SLIT3: variants seen among roughly 807,000 people sequenced by gnomAD.
SLIT3 encodes slit guidance ligand 3.
In SLIT3, 68 loss-of-function variants were observed where a neutral mutation model predicts 184.0. The ratio of observed to expected loss-of-function variants is 0.37; its 90% CI spans 0.30 to 0.45. SLIT3 has a LOEUF of 0.45. SLIT3 is among the 20% of genes least tolerant of loss of function. The pLI, the probability that SLIT3 is intolerant of heterozygous loss-of-function variation, is 1.00. For missense variants in SLIT3, 1,707 were observed against 2,026.0 expected, an observed-to-expected ratio of 0.84 and a Z score of 3.02; for synonymous variants, 831 against 828.6, an observed-to-expected ratio of 1.00 and a Z score of -0.05.
intron 4 of SLIT3, among the ~76,000 whole-genome samples, chr5:169,034,554 T>C (rs1419376970): frequency 6.6e-6 from 1 of 152,196 alleles, no homozygotes; most frequent in African/African-American, 2.4e-5. Flanking sequence ...GAAAATTAGT[T>C]GACTAGTAAA....
chr5:169,210,027 T>G (rs1423015761), intron 3 of SLIT3, among the ~76,000 whole-genome samples: 1 of 152,172 alleles, frequency 6.6e-6, no homozygotes, highest in Non-Finnish European at 1.5e-5. Flanking sequence ...TAAGACCTCC[T>G]CCTTAAGGAA....
intron 4 of SLIT3, among the ~76,000 whole-genome samples, chr5:168,954,902 G>A (rs1277388516): frequency 6.6e-6 from 1 of 152,240 alleles, no homozygotes; most frequent in Non-Finnish European, 1.5e-5. Context: ...TTTTAATGGT[G>A]AAAACTTTAA....
intron 3 of SLIT3, among the ~76,000 whole-genome samples, chr5:169,239,038 A>G (rs900479047): frequency 6.6e-6 from 1 of 152,118 alleles, no homozygotes; most frequent in African/African-American, 2.4e-5. Flanking sequence ...TCTTGAAACC[A>G]TCTACTGGGG....
chr5:168,885,878 G>A (rs1007608603), intron 4 of SLIT3, among the ~76,000 whole-genome samples: 4 of 152,186 alleles, frequency 2.6e-5, no homozygotes, highest in African/African-American at 4.8e-5. Context: ...CAATACGGTG[G>A]GATGAGGAGA....
chr5:169,025,336 G>T (rs1390700507), intron 4 of SLIT3, among the ~76,000 whole-genome samples: 1 of 152,164 alleles, frequency 6.6e-6, no homozygotes, highest in African/African-American at 2.4e-5. Context: ...GTACCAGAAG[G>T]TACTTACTGA....
At chr5:168,689,116 A>T (rs1330884576) in intron 29 of SLIT3, among the ~76,000 whole-genome samples, 3 of 152,108 alleles carry the variant, frequency 2.0e-5, no homozygotes, top group African/African-American at 7.2e-5. Context: ...ACACCCAGGG[A>T]TCTTGTTAAA....
chr5:169,135,366 C>T (rs1413777942), intron 4 of SLIT3, among the ~76,000 whole-genome samples: 1 of 152,112 alleles, frequency 6.6e-6, no homozygotes, highest in African/African-American at 2.4e-5. Context: ...CCTGCCTCGG[C>T]CTCCCAAAGT....
rs116354291 is a variant in SLIT3, at chr5:168,671,957, G to C, written c.3842-474C>G. Among the ~76,000 whole-genome samples, 315 of 152,342 alleles carry C rather than the reference G, an allele frequency of 2.1e-3. 1 individual carries two copies. The highest frequency in any genetic ancestry group is 7.2e-3 in the African/African-American group (301 of 41,570). ...AAGATAAGGTTTTGGGGAGCTGCTTGATCAACGAAACTTTGGGGTTCAGGG... is the reference window on the plus strand; with the variant it reads ...AAGATAAGGTTTTGGGGAGCTGCTTCATCAACGAAACTTTGGGGTTCAGGG... On this transcript the variant is annotated intron_variant, in intron 33 of 35. Transcript: ENST00000519560.
chr5:168,806,731 G>GTGTCTCCCA, intron 8 of SLIT3, 144 bp from the exon 9 acceptor site: 1 of 887,542 alleles, frequency 1.1e-6, no homozygotes, highest in Non-Finnish European at 1.7e-6. Context: ...CCCTTCACCT[G>GTGTCTCCCA]GGAGACACAG....
intron 4 of SLIT3, among the ~76,000 whole-genome samples, chr5:168,897,144 C>A (rs1581189578): frequency 7.5e-6 from 1 of 133,796 alleles, no homozygotes; most frequent in African/African-American, 2.7e-5. Flanking sequence ...TACTATGTAC[C>A]CAGGGCGTTA....
intron 4 of SLIT3, among the ~76,000 whole-genome samples, chr5:168,893,810 T>C (rs1190615910): frequency 2.0e-5 from 3 of 152,234 alleles, no homozygotes; most frequent in African/African-American, 7.2e-5. Context: ...ATTGCTGACC[T>C]GGGCCCCCTC....
chr5:169,062,686 C>A (rs1758215713), intron 4 of SLIT3, among the ~76,000 whole-genome samples: 1 of 152,318 alleles, frequency 6.6e-6, no homozygotes, highest in East Asian at 1.9e-4. Context: ...TTTGTATGGT[C>A]TCTCTCCTCA....
At chr5:169,090,353 C>T (rs886728053) in intron 4 of SLIT3, among the ~76,000 whole-genome samples, 4 of 152,186 alleles carry the variant, frequency 2.6e-5, no homozygotes, top group Non-Finnish European at 4.4e-5. Flanking sequence ...CTCTCCTTGT[C>T]AGGGCCCAGA....
chr5:168,872,410 T>C lies in SLIT3; in HGVS notation c.485+10855A>G, dbSNP rs184573779. On this transcript the variant is annotated intron_variant, in intron 5 of 35. Transcript: ENST00000519560. Reference sequence around the variant, plus strand: ...GTAAACTAGGGACTTTAGTTAGTAATGTATCAATATTGGCTCAGCAGTGGT... The same window carrying C: ...GTAAACTAGGGACTTTAGTTAGTAACGTATCAATATTGGCTCAGCAGTGGT... Among the ~76,000 whole-genome samples, 51 of 152,218 alleles carry C rather than the reference T, an allele frequency of 3.4e-4. 2 individuals are homozygous for C. Among genetic ancestry groups the C allele is most frequent in the Admixed American group, 1.7e-3 (26 of 15,288 alleles).
At chr5:168,920,107 C>T (rs1030526994) in intron 4 of SLIT3, among the ~76,000 whole-genome samples, 12 of 152,144 alleles carry the variant, frequency 7.9e-5, no homozygotes, top group Admixed American at 5.9e-4. Context: ...ACATCAGGCT[C>T]TCTGCAACAA....
chr5:168,793,582 G>A (rs1288384062), intron 10 of SLIT3, among the ~76,000 whole-genome samples: 2 of 152,130 alleles, frequency 1.3e-5, no homozygotes, highest in Non-Finnish European at 2.9e-5. Flanking sequence ...GACTGAGAAG[G>A]TCTTATGAAT....
intron 4 of SLIT3, among the ~76,000 whole-genome samples, chr5:169,052,671 C>G (rs917270159): frequency 2.6e-5 from 4 of 152,176 alleles, no homozygotes; most frequent in Admixed American, 2.6e-4. Flanking sequence ...TCCTCTTTGG[C>G]CTTGTCCCTG....
intron 1 of SLIT3, among the ~76,000 whole-genome samples, chr5:169,256,068 C>A (rs370341000): frequency 6.6e-6 from 1 of 152,138 alleles, no homozygotes; most frequent in East Asian, 1.9e-4. Flanking sequence ...CCTGCAAGCT[C>A]CATTCATGGT....
intron 32 of SLIT3, among the ~76,000 whole-genome samples, chr5:168,677,226 G>A (rs972015062): frequency 3.3e-5 from 5 of 152,174 alleles, no homozygotes; most frequent in Admixed American, 6.5e-5. Flanking sequence ...GTAAGCCCCT[G>A]TTTCTGCTTC....
Sources: gnomAD v4.1 joint callset for allele counts (sites outside exome capture counted in the v4.1 genomes callset) on GRCh38, gnomAD v4.1.1 for gene constraint, MANE v1.5 for transcripts, NCBI Gene and HGNC (gene_info 2026-07-23, HGNC 2026-07-21) for gene names.